MAGI2: variants seen among roughly 807,000 people sequenced by gnomAD.
The protein encoded by MAGI2 is membrane associated guanylate kinase, WW and PDZ domain containing 2.
In MAGI2, 35 loss-of-function variants were observed where a neutral mutation model predicts 133.3. The ratio of observed to expected loss-of-function variants is 0.26; its 90% CI spans 0.20 to 0.35. The LOEUF (loss-of-function observed/expected upper bound fraction) is 0.35, where lower values mean the gene tolerates loss of function less well. Ranked by LOEUF, MAGI2 falls within the 10% of genes least tolerant of loss-of-function variation. MAGI2 has a pLI of 1.00. For synonymous variants in MAGI2, 729 were observed against 710.6 expected (o/e 1.03, Z -0.41); for missense variants, 1,636 against 1,863.4 (o/e 0.88, Z 2.25).
intron 6 of MAGI2, among the ~76,000 whole-genome samples, chr7:78,480,764 A>G (rs1408956251): frequency 1.3e-5 from 2 of 152,070 alleles, no homozygotes; most frequent in Non-Finnish European, 2.9e-5. Flanking sequence ...AATCTCATGT[A>G]TATATTCTAA....
At chr7:78,538,239 A>G (rs1170562017) in intron 3 of MAGI2, among the ~76,000 whole-genome samples, 1 of 152,114 alleles carries the variant, frequency 6.6e-6, no homozygotes, top group Non-Finnish European at 1.5e-5. Context: ...GCCTTGTAGT[A>G]TAGTTTGAGG....
At chr7:79,282,426 G>C (rs771255293) in intron 1 of MAGI2, among the ~76,000 whole-genome samples, 2 of 152,158 alleles carry the variant, frequency 1.3e-5, no homozygotes, top group Non-Finnish European at 1.5e-5. Context: ...GGATGGAGAA[G>C]AAACGAAGCT....
rs1187095399 is a variant in MAGI2 at position 79,343,989 on chromosome 7, G to A, written c.301+109031C>T. On this transcript the variant is annotated intron_variant, in intron 1 of 21. Transcript: ENST00000354212. ...TAGACTTTGAAATTGTGGAATTTTA[G>A]ATCTGAGAGTAACCTTAGAACTAAA... Among the ~76,000 whole-genome samples, 4 of 152,100 alleles carry A rather than the reference G, an allele frequency of 2.6e-5. No homozygotes were observed. In the East Asian group the frequency reaches 7.7e-4, roughly 29 times the overall value.
chr7:78,140,725 G>A (rs929908848), intron 16 of MAGI2, among the ~76,000 whole-genome samples: 1 of 152,124 alleles, frequency 6.6e-6, no homozygotes, highest in African/African-American at 2.4e-5. Context: ...TTAAATTTGT[G>A]GGTTGGAGCA....
At chr7:78,242,760 T>C (rs13244712) in intron 10 of MAGI2, among the ~76,000 whole-genome samples, 44,277 of 152,012 alleles carry the variant, frequency 0.29, 7,498 homozygotes, top group Non-Finnish European at 0.37. Context: ...GTTGTGGTCA[T>C]GGTGGTTTTT....
At chr7:78,591,156 C>T (rs577388179) in intron 3 of MAGI2, among the ~76,000 whole-genome samples, 1 of 152,040 alleles carries the variant, frequency 6.6e-6, no homozygotes, top group Non-Finnish European at 1.5e-5. Flanking sequence ...GAAATAAATA[C>T]CATGAGAGCA....
intron 1 of MAGI2, among the ~76,000 whole-genome samples, chr7:79,359,984 G>A (rs1842281038): frequency 1.3e-5 from 2 of 152,016 alleles, no homozygotes; most frequent in African/African-American, 4.8e-5. Context: ...ACTGTTCTTG[G>A]AGTTATTTCC....
intron 21 of MAGI2, chr7:78,026,206 A>G (rs1808899764): frequency 6.6e-6 from 1 of 152,246 alleles, no homozygotes; most frequent in Non-Finnish European, 1.5e-5. Context: ...TGGTTTCTCA[A>G]ATTATCTTGT....
At chr7:79,422,569 A>C (rs188431988) in intron 1 of MAGI2, among the ~76,000 whole-genome samples, 61 of 152,210 alleles carry the variant, frequency 4.0e-4, no homozygotes, top group African/African-American at 1.4e-3. Flanking sequence ...CCACACTGAC[A>C]AAAAATAAAA....
At chr7:78,641,634 G>GAA (rs1431210507) in intron 2 of MAGI2, among the ~76,000 whole-genome samples, 7 of 150,954 alleles carry the variant, frequency 4.6e-5, no homozygotes, top group African/African-American at 1.7e-4. Context: ...CCTCAAGAGA[G>GAA]AAAAATATGA....
chr7:78,931,967 G>A (rs1407311879), intron 2 of MAGI2, among the ~76,000 whole-genome samples: 8 of 148,476 alleles, frequency 5.4e-5, no homozygotes, highest in Non-Finnish European at 8.9e-5. Flanking sequence ...CACACCTGAC[G>A]TCCTGTGATG....
At chr7:78,940,074 C>A (rs1406041715) in intron 2 of MAGI2, among the ~76,000 whole-genome samples, 1 of 152,112 alleles carries the variant, frequency 6.6e-6, no homozygotes, top group Non-Finnish European at 1.5e-5. Flanking sequence ...GTGTGCCATG[C>A]CAAAGCACAT....
chr7:78,390,384 T>C (rs1795790761), intron 6 of MAGI2, among the ~76,000 whole-genome samples: 1 of 152,226 alleles, frequency 6.6e-6, no homozygotes, highest in African/African-American at 2.4e-5. Flanking sequence ...ATGCTTTCGT[T>C]CACTGGTAAT....
intron 2 of MAGI2, among the ~76,000 whole-genome samples, chr7:78,783,836 G>A (rs1423762425): frequency 3.3e-5 from 5 of 152,150 alleles, no homozygotes; most frequent in Non-Finnish European, 7.4e-5. Context: ...TTTAATTTTA[G>A]GAATTGAAGA....
intron 2 of MAGI2, among the ~76,000 whole-genome samples, chr7:78,894,781 G>C (rs1759461116): frequency 6.6e-6 from 1 of 152,154 alleles, no homozygotes. Flanking sequence ...AAGAGTAACA[G>C]AAAGACAATA....
intron 1 of MAGI2, among the ~76,000 whole-genome samples, chr7:79,375,944 G>A (rs770450021): frequency 6.6e-6 from 1 of 151,818 alleles, no homozygotes; most frequent in Admixed American, 6.6e-5. Flanking sequence ...GAAAATTAAT[G>A]CATAACAATC....
intron 2 of MAGI2, among the ~76,000 whole-genome samples, chr7:78,835,902 G>T (rs1202264966): frequency 6.6e-6 from 1 of 152,154 alleles, no homozygotes; most frequent in Non-Finnish European, 1.5e-5. Flanking sequence ...TTGGCCGTGG[G>T]TCAGCTTGCT....
At chr7:79,270,588 G>A (rs1225027983) in intron 1 of MAGI2, among the ~76,000 whole-genome samples, 1 of 152,168 alleles carries the variant, frequency 6.6e-6, no homozygotes, top group Admixed American at 6.6e-5. Context: ...GATCCTTGTA[G>A]AGGAAATTTT....
chr7:79,259,018 G>T (rs777722868), intron 1 of MAGI2, among the ~76,000 whole-genome samples: 3 of 152,122 alleles, frequency 2.0e-5, no homozygotes, highest in African/African-American at 4.8e-5. Flanking sequence ...AGTGCCTATT[G>T]CTTCTGTCAC....
Sources: allele counts gnomAD v4.1 joint callset (sites outside exome capture counted in the v4.1 genomes callset), GRCh38; gene constraint gnomAD v4.1.1; transcripts MANE v1.5; gene names NCBI Gene and HGNC (gene_info 2026-07-23, HGNC 2026-07-21).